Variants in PHLDA1 observed in about 807,000 individuals in gnomAD.
PHLDA1 encodes the protein pleckstrin homology-like domain family A member 1.
Under a neutral mutation model 33.8 loss-of-function variants are expected in PHLDA1, and 28 were observed. The observed-to-expected ratio is 0.83, with a 90% CI of 0.61 to 1.14. The LOEUF (loss-of-function observed/expected upper bound fraction) is 1.14, where lower values mean the gene tolerates loss of function less well. PHLDA1 is among the 50% of genes most tolerant of loss of function. PHLDA1 has a pLI of 0.00. For synonymous variants in PHLDA1, 271 were observed against 243.6 expected, an observed-to-expected ratio of 1.11 and a Z score of -1.05; for missense variants, 595 against 548.6, an observed-to-expected ratio of 1.08 and a Z score of -0.84.
At chr12:76,025,531 T>C (rs552938901) in exon 2 of PHLDA1, 1 of 152,320 alleles carries the variant, frequency 6.6e-6, no homozygotes, top group South Asian at 2.1e-4. Context: ...CAAAATCATC[T>C]AAGAGACATA....
At chr12:76,030,641 G>A (rs1223002828) in exon 1 of PHLDA1, 2 of 1,448,116 alleles carry the variant, frequency 1.4e-6, no homozygotes, top group Admixed American at 1.7e-5. Flanking sequence ...GCGGGTGAGG[G>A]TGTGGGTGCG....
exon 2 of PHLDA1, chr12:76,026,966 A>C (rs1870786712): frequency 6.6e-6 from 1 of 152,216 alleles, no homozygotes; most frequent in African/African-American, 2.4e-5. Context: ...CCTTTGTCCC[A>C]ACAGTTATTG....
chr12:76,031,654 C>G lies in PHLDA1; in HGVS notation c.88G>C (p.Val30Leu), dbSNP rs1358633503. 1 of 1,525,034 alleles carries G rather than the reference C, an allele frequency of 6.6e-7. No individual in the cohort carries two copies. The highest frequency in any genetic ancestry group is 1.4e-5 in the African/African-American group (1 of 69,068). The allele number at this position is 1,525,034 out of a possible 1,614,324, so 94.5% of individuals were successfully genotyped here. A position where few individuals can be genotyped will look rare whatever the true frequency, so the allele number is the denominator to read the frequency against. ...GGCCATCTTCCCCACCCCCGAGTGA[C>G]ACCCAGCGGAAAAGGCGGCTCCTGG... is the stretch of plus-strand genomic sequence containing the variant. The change falls in exon 1 of 2, where the codon GTC (valine) becomes CTC (leucine). Residue 30 changes from valine to leucine, a missense_variant. Val to Leu is a conservative substitution (Grantham distance 32, BLOSUM62 1). Transcript: ENST00000266671. This position sits in a 1 kb window ranked among gnomAD's most constrained non-coding sequence, Gnocchi z 5.4.
exon 2 of PHLDA1, chr12:76,029,700 G>A (rs1716961540): frequency 6.6e-6 from 1 of 152,378 alleles, no homozygotes; most frequent in Admixed American, 6.5e-5. Flanking sequence ...TCCAAGATTA[G>A]GAATTACTAC....
exon 1 of PHLDA1, chr12:76,030,800 C>T (rs1870881107): frequency 2.0e-6 from 3 of 1,513,558 alleles, no homozygotes; most frequent in Non-Finnish European, 2.7e-6. Context: ...GGAGCTGCGG[C>T]TGCGGCTGCG....
At chr12:76,027,441 G>A (rs1870797253) in exon 2 of PHLDA1, 1 of 152,152 alleles carries the variant, frequency 6.6e-6, no homozygotes, top group South Asian at 2.1e-4. Flanking sequence ...GCAGACTAAG[G>A]AACAAGGGCT....
At chr12:76,026,396 A>G (rs940111656) in exon 2 of PHLDA1, 19 of 152,208 alleles carry the variant, frequency 1.2e-4, no homozygotes, top group African/African-American at 4.3e-4. Context: ...AAAACAAGGG[A>G]TGTGTTTGAA....
exon 2 of PHLDA1, chr12:76,026,608 T>C (rs1870778859): frequency 7.1e-6 from 1 of 140,444 alleles, no homozygotes; most frequent in Non-Finnish European, 1.5e-5. Context: ...ATTTTTACCA[T>C]CATTGGAGAC....
At chr12:76,029,739 T>C (rs1042765095) in exon 2 of PHLDA1, 4 of 152,614 alleles carry the variant, frequency 2.6e-5, no homozygotes, top group African/African-American at 9.7e-5. Flanking sequence ...TAAAGTTTCC[T>C]TTTTGGAAAA....
At position 76,031,498 on chromosome 12, in the gene PHLDA1, C is replaced by G. The variant is rs1469119991; in HGVS notation, c.244G>C (p.Asp82His). ...CAGAGCGGCGGCGGCGGCTCTGGGT[C>G]CCGGCAGAGGGACAGCCGCGTCCTG... Residue 82 changes from aspartate (D) to histidine (H), a missense_variant, in exon 1 of 2, where the codon GAC becomes CAC. By Grantham distance (81) the Asp-to-His change is moderately conservative. Around this residue, in one of 3 missense-constraint regions of PHLDA1, gnomAD observed 263 missense variants for 232.3 expected, o/e 1.13. Transcript: ENST00000266671. This position sits in a 1 kb window ranked among gnomAD's most constrained non-coding sequence, Gnocchi z 5.4. The G allele has an allele frequency of 6.6e-7, 1 of 1,521,150 alleles. No homozygotes were observed. The highest frequency in any genetic ancestry group is 1.4e-5 in the African/African-American group (1 of 70,376). The allele number at this position is 1,521,150 out of a possible 1,614,324, so 94.2% of individuals were successfully genotyped here.
intron 1 of PHLDA1, among the ~76,000 whole-genome samples, 154 bp from the exon 2 acceptor site, chr12:76,030,246 C>T (rs973381287): frequency 6.6e-5 from 10 of 152,162 alleles, no homozygotes; most frequent in African/African-American, 2.4e-4. Flanking sequence ...CTGGGGGACG[C>T]ACCACGGGAC....
chr12:76,027,053 T>C (rs993051959), exon 2 of PHLDA1: 38 of 152,364 alleles, frequency 2.5e-4, no homozygotes, highest in African/African-American at 8.4e-4. Flanking sequence ...ACATTACTCT[T>C]AATTTTCCAA....
exon 2 of PHLDA1, chr12:76,026,572 A>C (rs1295178414): frequency 6.6e-6 from 1 of 152,052 alleles, no homozygotes; most frequent in Admixed American, 6.6e-5. Flanking sequence ...TGTGAGGGAA[A>C]CTCCTTTAAG....
chr12:76,025,925 C>G (rs1870766244), exon 2 of PHLDA1: 1 of 152,154 alleles, frequency 6.6e-6, no homozygotes, highest in Admixed American at 6.5e-5. Flanking sequence ...AGCAAATGCC[C>G]TGCCAGCAAA....
chr12:76,031,725 G>A lies in PHLDA1; in HGVS notation c.17C>T (p.Ala6Val). 4 of 1,383,628 alleles carry A rather than the reference G, an allele frequency of 2.9e-6. No homozygotes were observed. The highest frequency in any genetic ancestry group is 3.8e-6 in the Non-Finnish European group (4 of 1,065,060). The allele number at this position is 1,383,628 out of a possible 1,614,324, so 85.7% of individuals were successfully genotyped here. The change falls in exon 1 of 2, where the codon GCT becomes GTT. Residue 6 changes from alanine (A) to valine (V), a missense_variant. By Grantham distance (64) the Ala-to-Val change is moderately conservative (BLOSUM62 0). This residue lies in a region of PHLDA1 where 263 missense variants were observed against 232.3 expected (regional missense o/e 1.13). Transcript: ENST00000266671. The surrounding 1 kb of genome is among the most constrained non-coding windows in gnomAD (Gnocchi z 5.4). ...GCCCAGCTCCAAGAGGCGCTCGGCA[G>A]CCGGCGCACGCCTCATTAACTTGGG...
rs1156898385 is a variant in PHLDA1, at chr12:76,031,282, C to G, written c.460G>C (p.Gly154Arg). Residue 154 changes from glycine (G) to arginine (R), a missense_variant, in exon 1 of 2, where the codon GGC (glycine) becomes CGC (arginine). By Grantham distance (125) the Gly-to-Arg change is moderately radical. Coordinates refer to ENST00000266671, the Ensembl canonical transcript of PHLDA1. This position sits in a 1 kb window ranked among gnomAD's most constrained non-coding sequence, Gnocchi z 5.4. ...CCGTCGCTGCGCTTCTCCAGCACGC[C>G]CTCCTTCAGCGCTTTGCAGCCGCTA... The G allele has an allele frequency of 8.1e-6, 13 of 1,613,660 alleles. No homozygotes were observed. Among genetic ancestry groups the G allele is most frequent in the Non-Finnish European group, 1.1e-5 (13 of 1,179,890 alleles).
At chr12:76,029,486 C>T (rs150791523) in exon 2 of PHLDA1, 1 of 152,316 alleles carries the variant, frequency 6.6e-6, no homozygotes, top group East Asian at 1.9e-4. Flanking sequence ...CATAATTACA[C>T]CATTTTTAAC....
In PHLDA1 at chr12:76,031,578, G is replaced by C. The variant is rs1335178342; in HGVS notation, c.164C>G (p.Ser55Trp). 1 of 1,575,574 alleles carries C rather than the reference G, an allele frequency of 6.3e-7. No individual in the cohort carries two copies. Among genetic ancestry groups the C allele is most frequent in the Non-Finnish European group, 8.6e-7 (1 of 1,163,460 alleles). The change falls in exon 1 of 2, where the codon TCG (serine) becomes TGG (tryptophan). Residue 55 changes from serine (S) to tryptophan (W), a missense_variant. Physicochemically the swap from Ser to Trp is radical, Grantham distance 177. Around this residue, in one of 3 missense-constraint regions of PHLDA1, gnomAD observed 263 missense variants for 232.3 expected, o/e 1.13. Transcript: ENST00000266671. The surrounding 1 kb of genome is among the most constrained non-coding windows in gnomAD (Gnocchi z 5.4). ...TGCCGGGCCTCTGCCGTCCTCTTGCGAGCGCTCACTGAAGGGCACTGGCCG... is the reference window on the plus strand; with the variant it reads ...TGCCGGGCCTCTGCCGTCCTCTTGCCAGCGCTCACTGAAGGGCACTGGCCG...
Position 76,031,072 on chromosome 12 carries a change from C to G in PHLDA1, c.670G>C (p.Glu224Gln). Reference sequence around the variant, plus strand: ...AGTTCCTTGAGCTTGACCGGCGGCTCGAGGCTGGCGACAGCGGGGCCACTG... The same window carrying G: ...AGTTCCTTGAGCTTGACCGGCGGCTGGAGGCTGGCGACAGCGGGGCCACTG... The change falls in exon 1 of 2, where the codon GAG (glutamate) becomes CAG (glutamine). Residue 224 changes from glutamate to glutamine, a missense_variant. Transcript: ENST00000266671. The surrounding 1 kb of genome is among the most constrained non-coding windows in gnomAD (Gnocchi z 5.4). The G allele has an allele frequency of 2.5e-6, 4 of 1,609,982 alleles. No homozygotes were observed. Among genetic ancestry groups the G allele is most frequent in the Non-Finnish European group, 3.4e-6 (4 of 1,179,918 alleles).
Sources: gnomAD v4.1 joint callset for allele counts (sites outside exome capture counted in the v4.1 genomes callset) on GRCh38, gnomAD v4.1.1 for gene constraint, gnomAD v4.1.1 regional missense constraint, Gnocchi (gnomAD v3.1) non-coding constraint, MANE v1.5 for transcripts, NCBI Gene and HGNC (gene_info 2026-07-23, HGNC 2026-07-21) for gene names.